Variants in CYP3A7 observed in about 807,000 individuals in gnomAD.
CYP3A7 encodes cytochrome P450 3A7.
A neutral mutation model predicts 55.2 loss-of-function variants in CYP3A7; 45 were observed. The observed-to-expected ratio is 0.82, with a 90% CI of 0.64 to 1.05. The LOEUF (loss-of-function observed/expected upper bound fraction) is 1.05, where lower values mean the gene tolerates loss of function less well. Ranked by LOEUF, CYP3A7 falls within the 50% of genes least tolerant of loss-of-function variation. CYP3A7 has a pLI of 0.00. For synonymous variants in CYP3A7, 180 were observed against 207.4 expected (o/e 0.87, Z 1.13); for missense variants, 548 against 605.3 (o/e 0.91, Z 0.99).
chr7:99,717,772 A>C, intron 4 of CYP3A7, 133 bp from the exon 5 acceptor site: 1 of 1,145,700 alleles, frequency 8.7e-7, no homozygotes, highest in Non-Finnish European at 1.3e-6. Flanking sequence ...AGGCCCTATG[A>C]CAGATGCTCA....
rs776854669 is a variant in CYP3A7 at position 99,731,173 on chromosome 7, C to G, written c.72-21G>C. On this transcript the variant is annotated intron_variant, in intron 1 of 12. Transcript: ENST00000336374. ...CATATCTACAAAGTGAAACAAAAATCAGGTCTCAGGGATTGTGACTTTATA... is the reference window on the plus strand; with the variant it reads ...CATATCTACAAAGTGAAACAAAAATGAGGTCTCAGGGATTGTGACTTTATA... 14 of 1,613,384 alleles carry G rather than the reference C, an allele frequency of 8.7e-6. No homozygotes were observed. The South Asian group carries it at 1.4e-4, about 16-fold the overall frequency.
chr7:99,714,529 C>T, intron 8 of CYP3A7, 26 bp downstream of exon 8: 2 of 1,610,756 alleles, frequency 1.2e-6, no homozygotes, highest in Admixed American at 1.7e-5. Context: ...ACTAAACATC[C>T]TCCTATAACT....
intron 10 of CYP3A7, among the ~76,000 whole-genome samples, chr7:99,709,899 A>G (rs1248406061): frequency 6.6e-6 from 1 of 152,098 alleles, no homozygotes; most frequent in African/African-American, 2.4e-5. Context: ...TTGAGGAAAA[A>G]CTAGTCCCTT....
chr7:99,722,289 TACTC>T lies in CYP3A7; in HGVS notation c.218+3_218+6del, dbSNP rs1297405503. 2.5e-6 allele frequency: 4 copies of T among 1,613,492 alleles called. No individual in the cohort carries two copies. The highest frequency in any genetic ancestry group is 2.7e-5 in the African/African-American group (2 of 74,898). On this transcript the variant is annotated splice_donor_5th_base_variant and intron_variant, in intron 3 of 12. Transcript: ENST00000336374. ...GTCTATCCAATGGAATCTTCCAGAA[TACTC>T]ACCCCCAGACTTTTCTATACTTTTT... is the stretch of plus-strand genomic sequence containing the variant.
chr7:99,717,633 C>T lies in CYP3A7; in HGVS notation c.325G>A (p.Gly109Arg), dbSNP rs376471166. The change falls in exon 5 of 13, where the codon GGG becomes AGG. Residue 109 changes from glycine to arginine, a missense_variant. By Grantham distance (125) the Gly-to-Arg change is moderately radical. Coordinates refer to ENST00000336374, the MANE Select transcript of CYP3A7 (RefSeq NM_000765.5). The stretch of plus-strand genomic sequence containing the variant: ...GCATTTTTCATAAATCCCACTGGCC[C>T]GAAAGGCTAGAGTTCAAAGCAGAAA... ...YSVFTNRRPF[G>R]PVGFMKNAIS... The T allele has an allele frequency of 7.4e-6, 12 of 1,613,264 alleles. No individual in the cohort carries two copies. Among genetic ancestry groups the T allele is most frequent in the Middle Eastern group, 1.6e-4 (1 of 6,078 alleles).
chr7:99,709,380 T>A (rs1264949405), intron 10 of CYP3A7, 119 bp from the exon 11 acceptor site: 1 of 1,439,762 alleles, frequency 6.9e-7, no homozygotes. Context: ...TGGCAAAGGA[T>A]TGTAGCATTC....
chr7:99,718,401 C>T (rs956507361), intron 4 of CYP3A7, among the ~76,000 whole-genome samples: 3 of 151,948 alleles, frequency 2.0e-5, no homozygotes, highest in Non-Finnish European at 4.4e-5. Context: ...TTATTTTTGC[C>T]AGCTTGGATC....
At chr7:99,707,744 T>A (rs1037936777) in intron 12 of CYP3A7, 68 bp downstream of exon 12, 3 of 1,593,618 alleles carry the variant, frequency 1.9e-6, no homozygotes, top group Non-Finnish European at 2.6e-6. Flanking sequence ...TATTCTTTTT[T>A]AAATATATAG....
intron 2 of CYP3A7, among the ~76,000 whole-genome samples, chr7:99,722,726 G>A (rs45622537): frequency 3.5e-4 from 54 of 152,284 alleles, no homozygotes; most frequent in East Asian, 2.3e-3. Context: ...GTGAGTGAGC[G>A]CCAGAAGGGA....
intron 2 of CYP3A7, among the ~76,000 whole-genome samples, chr7:99,727,124 C>T (rs1426331933): frequency 6.6e-6 from 1 of 152,188 alleles, no homozygotes; most frequent in Non-Finnish European, 1.5e-5. Flanking sequence ...AGGCTGTTCC[C>T]ATACTAGCTC....
intron 4 of CYP3A7, among the ~76,000 whole-genome samples, chr7:99,719,235 C>G (rs1002134760): frequency 1.3e-4 from 20 of 152,214 alleles, no homozygotes; most frequent in Admixed American, 1.2e-3. Context: ...GGAAGAATCA[C>G]TCTACATGAT....
chr7:99,725,752 G>A (rs1034801649), intron 2 of CYP3A7, among the ~76,000 whole-genome samples: 12 of 152,134 alleles, frequency 7.9e-5, no homozygotes, highest in African/African-American at 1.9e-4. Context: ...GATGCTACCC[G>A]ATCACCTCGG....
At position 99,709,216 on chromosome 7, in the gene CYP3A7, T is replaced by A. The variant is rs748863341; in HGVS notation, c.1072A>T (p.Met358Leu). The change falls in exon 11 of 13, where the codon ATG (methionine) becomes TTG (leucine). Residue 358 changes from methionine (M) to leucine (L), a missense_variant. Coordinates refer to ENST00000336374, the MANE Select transcript of CYP3A7 (RefSeq NM_000765.5). ...AATCTGAGTGTTTCATTCACCACCA[T>A]GTCAAGATACTCCAACTGTAGCACA... is the stretch of plus-strand genomic sequence containing the variant. Reference protein sequence around the residue: ...DTVLQLEYLDMVVNETLRLFP... With the variant: ...DTVLQLEYLDLVVNETLRLFP... The A allele has an allele frequency of 1.2e-6, 2 of 1,613,934 alleles. No individual in the cohort carries two copies. The highest frequency in any genetic ancestry group is 1.7e-6 in the Non-Finnish European group (2 of 1,179,908).
At chr7:99,722,191 AAG>A in intron 3 of CYP3A7, 103 bp downstream of exon 3, 1 of 1,424,990 alleles carries the variant, frequency 7.0e-7, no homozygotes, top group Non-Finnish European at 9.8e-7. Flanking sequence ...TTAGGCTGGC[AAG>A]AGCTTCATCG....
At chr7:99,727,082 C>A (rs1239371837) in intron 2 of CYP3A7, among the ~76,000 whole-genome samples, 10 of 152,210 alleles carry the variant, frequency 6.6e-5, no homozygotes, top group Non-Finnish European at 1.5e-4. Context: ...CCTTTCCTCA[C>A]TCCTCTTTCC....
At chr7:99,731,474 C>A (rs562514177) in intron 1 of CYP3A7, among the ~76,000 whole-genome samples, 1 of 152,296 alleles carries the variant, frequency 6.6e-6, no homozygotes, top group East Asian at 1.9e-4. Context: ...CCAGGCACTT[C>A]ATTCCCTCAT....
intron 3 of CYP3A7, among the ~76,000 whole-genome samples, chr7:99,721,166 G>A (rs1445506611): frequency 1.3e-5 from 2 of 152,272 alleles, no homozygotes; most frequent in East Asian, 3.9e-4. Context: ...GAACACAATG[G>A]TTTAAGAATA....
intron 8 of CYP3A7, among the ~76,000 whole-genome samples, 193 bp downstream of exon 8, chr7:99,714,362 C>T (rs1197410448): frequency 6.6e-6 from 1 of 152,146 alleles, no homozygotes; most frequent in African/African-American, 2.4e-5. Context: ...CTCTCTCTGA[C>T]TCATTCTCAT....
chr7:99,708,997 C>G, intron 11 of CYP3A7, 38 bp downstream of exon 11: 2 of 1,611,408 alleles, frequency 1.2e-6, no homozygotes, highest in Non-Finnish European at 1.7e-6. Context: ...TTGAACCAGG[C>G]TGGTTCAGGG....
Sources: gnomAD v4.1 joint callset for allele counts (sites outside exome capture counted in the v4.1 genomes callset) on GRCh38, gnomAD v4.1.1 for gene constraint, MANE v1.5 for transcripts, NCBI Gene and HGNC (gene_info 2026-07-23, HGNC 2026-07-21) for gene names.